The following WDPCP variants were observed in gnomAD, a reference collection of about 807,000 sequenced individuals.
WDPCP encodes WD repeat-containing and planar cell polarity effector protein fritz homolog.
WDPCP carries 71 observed loss-of-function variants against 93.1 expected under a neutral mutation model. That is an observed-to-expected ratio of 0.76 (90% CI 0.63 to 0.93). The LOEUF (loss-of-function observed/expected upper bound fraction) is 0.93, where lower values mean the gene tolerates loss of function less well. WDPCP is among the 40% of genes least tolerant of loss of function. The pLI, the probability that WDPCP is intolerant of heterozygous loss-of-function variation, is 0.00. For missense variants in WDPCP, 844 were observed against 887.4 expected, an observed-to-expected ratio of 0.95 and a Z score of 0.62; for synonymous variants, 315 against 315.0, an observed-to-expected ratio of 1.00 and a Z score of 0.00.
At chr2:63,813,894 T>G (rs1439451433) in intron 1 of WDPCP, among the ~76,000 whole-genome samples, 1 of 152,246 alleles carries the variant, frequency 6.6e-6, no homozygotes, top group African/African-American at 2.4e-5. Flanking sequence ...ATATGTTTGC[T>G]GATAAATACT....
At chr2:63,740,575 G>A (rs1669698503) in intron 2 of WDPCP, among the ~76,000 whole-genome samples, 1 of 152,118 alleles carries the variant, frequency 6.6e-6, no homozygotes, top group Non-Finnish European at 1.5e-5. Context: ...TAAATTATCT[G>A]TTTGTTTTTA....
chr2:63,305,865 C>G (rs1170386827), intron 13 of WDPCP, among the ~76,000 whole-genome samples: 1 of 151,868 alleles, frequency 6.6e-6, no homozygotes, highest in Non-Finnish European at 1.5e-5. Context: ...CATAAATGAC[C>G]TGATGGAGAT....
At chr2:63,414,200 G>C (rs1695232055) in intron 9 of WDPCP, among the ~76,000 whole-genome samples, 1 of 152,166 alleles carries the variant, frequency 6.6e-6, no homozygotes, top group African/African-American at 2.4e-5. Flanking sequence ...TGGATGCAGT[G>C]ATCAGAGAAC....
chr2:63,500,622 T>C (rs540384969), intron 1 of WDPCP, among the ~76,000 whole-genome samples: 1 of 152,306 alleles, frequency 6.6e-6, no homozygotes, highest in South Asian at 2.1e-4. Context: ...CTGTTCTGAA[T>C]GCTGGGCTGT....
intron 1 of WDPCP, chr2:63,813,804 G>C (rs1670892119): frequency 6.6e-6 from 1 of 152,118 alleles, no homozygotes. Flanking sequence ...TCTCTCTCCA[G>C]TCACAGAATA....
chr2:63,748,336 T>G (rs1669830024), intron 2 of WDPCP, among the ~76,000 whole-genome samples: 1 of 151,934 alleles, frequency 6.6e-6, no homozygotes. Flanking sequence ...TAAAATTATT[T>G]GAATAACCAC....
chr2:63,353,611 C>T (rs960482228), intron 12 of WDPCP, among the ~76,000 whole-genome samples: 28 of 152,168 alleles, frequency 1.8e-4, no homozygotes, highest in Non-Finnish European at 1.3e-4. Flanking sequence ...TCTACCAAAA[C>T]GTGGCCAGGG....
intron 6 of WDPCP, among the ~76,000 whole-genome samples, chr2:63,444,825 C>T (rs1279152025): frequency 2.0e-5 from 3 of 152,232 alleles, no homozygotes; most frequent in Non-Finnish European, 2.9e-5. Flanking sequence ...TTTGACACCC[C>T]GCCAGACAAA....
At chr2:63,222,981 TA>T (rs1677969387) in intron 14 of WDPCP, among the ~76,000 whole-genome samples, 1 of 152,064 alleles carries the variant, frequency 6.6e-6, no homozygotes, top group African/African-American at 2.4e-5. Context: ...CTGATTGATA[TA>T]AAACATAAGA....
At chr2:63,189,148 C>A (rs945591901) in intron 14 of WDPCP, among the ~76,000 whole-genome samples, 1 of 152,164 alleles carries the variant, frequency 6.6e-6, no homozygotes, top group Non-Finnish European at 1.5e-5. Flanking sequence ...CCTGCAGAAC[C>A]GCAGAGTCTC....
chr2:63,623,975 AC>A (rs1709778775), intron 3 of WDPCP, among the ~76,000 whole-genome samples: 1 of 152,212 alleles, frequency 6.6e-6, no homozygotes, highest in Non-Finnish European at 1.5e-5. Flanking sequence ...AGAAATCATA[AC>A]AAACAGTCAC....
intron 6 of WDPCP, among the ~76,000 whole-genome samples, chr2:63,449,939 G>A (rs541123082): frequency 2.0e-5 from 3 of 152,290 alleles, no homozygotes; most frequent in African/African-American, 7.2e-5. Flanking sequence ...GGTCCCAAAG[G>A]TGCCATGGGG....
chr2:63,638,952 C>G (rs1709951016), intron 3 of WDPCP, among the ~76,000 whole-genome samples: 1 of 152,062 alleles, frequency 6.6e-6, no homozygotes, highest in South Asian at 2.1e-4. Context: ...ATTATAGAAC[C>G]TGCATACACT....
chr2:63,600,416 T>C (rs1709396687), intron 3 of WDPCP, among the ~76,000 whole-genome samples: 1 of 152,190 alleles, frequency 6.6e-6, no homozygotes, highest in African/African-American at 2.4e-5. Flanking sequence ...TTTGCCTGAC[T>C]CCAAACCCTT....
At chr2:63,280,739 G>A (rs759517597) in intron 13 of WDPCP, among the ~76,000 whole-genome samples, 40 of 152,236 alleles carry the variant, frequency 2.6e-4, no homozygotes, top group Non-Finnish European at 2.6e-4. Flanking sequence ...AAGGACACCC[G>A]TTTCAATAAA....
At chr2:63,515,645 T>C (rs1436407290) in intron 1 of WDPCP, among the ~76,000 whole-genome samples, 2 of 152,232 alleles carry the variant, frequency 1.3e-5, no homozygotes, top group African/African-American at 4.8e-5. Context: ...TTATGTTTGA[T>C]CAAGGAGAAA....
chr2:63,292,112 G>A (rs1246413042), intron 13 of WDPCP, among the ~76,000 whole-genome samples: 27 of 125,652 alleles, frequency 2.1e-4, no homozygotes, highest in South Asian at 5.0e-4. Context: ...CAGCCTGGGC[G>A]ACAGAGCAAG....
At chr2:63,710,524 C>A (rs368728932) in intron 2 of WDPCP, among the ~76,000 whole-genome samples, 1 of 152,194 alleles carries the variant, frequency 6.6e-6, no homozygotes, top group East Asian at 1.9e-4. Context: ...AGAGTATGCC[C>A]TCTCTTTCCA....
intron 12 of WDPCP, among the ~76,000 whole-genome samples, chr2:63,374,865 T>C (rs776532772): frequency 5.9e-5 from 9 of 152,148 alleles, no homozygotes; most frequent in Non-Finnish European, 1.3e-4. Flanking sequence ...ATATTACTTT[T>C]TGTTGTTACA....
Sources: allele counts gnomAD v4.1 joint callset (sites outside exome capture counted in the v4.1 genomes callset), GRCh38; gene constraint gnomAD v4.1.1; transcripts MANE v1.5; gene names NCBI Gene and HGNC (gene_info 2026-07-23, HGNC 2026-07-21).